Variants in NEK1 observed in about 807,000 individuals in gnomAD.
The protein encoded by NEK1 is serine/threonine-protein kinase Nek1.
A neutral mutation model predicts 182.1 loss-of-function variants in NEK1; 137 were observed. The ratio of observed to expected loss-of-function variants is 0.75; its 90% confidence interval spans 0.65 to 0.87. The LOEUF (loss-of-function observed/expected upper bound fraction) is 0.87. Among genes scored for constraint, NEK1 ranks in the 40% least tolerant of loss-of-function variants. NEK1 has a pLI of 0.00. For missense variants in NEK1, 1,391 were observed against 1,494.4 expected (o/e 0.93, Z 1.14); for synonymous variants, 513 against 492.2 (o/e 1.04, Z -0.56).
intron 23 of NEK1, 139 bp downstream of exon 23, chr4:169,506,898 G>A (rs1208035822): frequency 1.3e-5 from 6 of 445,910 alleles, no homozygotes; most frequent in Non-Finnish European, 2.3e-5. Context: ...GAGAGGTAAT[G>A]AGAAAGGGTG....
At chr4:169,406,194 G>A (rs1245716908) in intron 32 of NEK1, among the ~76,000 whole-genome samples, 1 of 151,944 alleles carries the variant, frequency 6.6e-6, no homozygotes, top group Non-Finnish European at 1.5e-5. Flanking sequence ...AATGTGGTGG[G>A]ATTGTAGGTG....
chr4:169,580,938 TAC>T, intron 10 of NEK1, 36 bp from the exon 11 acceptor site: 1 of 1,234,004 alleles, frequency 8.1e-7, no homozygotes, highest in East Asian at 2.6e-5. Context: ...GAAAAGATGT[TAC>T]ATTTTCAAAA....
rs1471861381 is a variant in NEK1, at chr4:169,424,818, G to A, written c.2975-18C>T. On this transcript the variant is annotated intron_variant, in intron 30 of 35. Coordinates refer to ENST00000507142, the MANE Select transcript of NEK1 (RefSeq NM_001199397.3). ...TCCAGGCTCTGTGGTAGAAAGGAGAGATTATGTGGTAAGTCTATACAGTAC... is the reference window on the plus strand; with the variant it reads ...TCCAGGCTCTGTGGTAGAAAGGAGAAATTATGTGGTAAGTCTATACAGTAC... The A allele has an allele frequency of 6.3e-7, 1 of 1,594,620 alleles. No homozygotes were observed. The highest frequency in any genetic ancestry group is 2.3e-5 in the East Asian group (1 of 44,402).
intron 26 of NEK1, among the ~76,000 whole-genome samples, chr4:169,476,236 G>A (rs1746918253): frequency 6.6e-6 from 1 of 151,904 alleles, no homozygotes; most frequent in East Asian, 1.9e-4. Context: ...CTGTGTTGAG[G>A]GAGGGAGGTG....
At chr4:169,569,523 A>ATG in intron 12 of NEK1, among the ~76,000 whole-genome samples, 12 of 133,922 alleles carry the variant, frequency 9.0e-5, no homozygotes, top group African/African-American at 2.6e-4. Context: ...CTCTTTCCAC[A>ATG]GTCTCCCTCT....
At chr4:169,451,954 C>G (rs879988443) in intron 27 of NEK1, among the ~76,000 whole-genome samples, 1 of 152,144 alleles carries the variant, frequency 6.6e-6, no homozygotes, top group Non-Finnish European at 1.5e-5. Context: ...AAGGGGATAT[C>G]ACCACCAATC....
chr4:169,508,012 T>A (rs1753592260), intron 21 of NEK1, among the ~76,000 whole-genome samples: 2 of 152,210 alleles, frequency 1.3e-5, no homozygotes, highest in South Asian at 2.1e-4. Context: ...TGCATTTTAA[T>A]CCTCCCATGA....
chr4:169,498,143 C>T (rs1294881642), intron 23 of NEK1, among the ~76,000 whole-genome samples: 1 of 152,180 alleles, frequency 6.6e-6, no homozygotes, highest in Admixed American at 6.5e-5. Flanking sequence ...TTGAATTGAT[C>T]CCTTTACAAT....
At chr4:169,418,947 T>G (rs923745045) in intron 31 of NEK1, among the ~76,000 whole-genome samples, 1 of 152,130 alleles carries the variant, frequency 6.6e-6, no homozygotes. Flanking sequence ...ATATACAGCA[T>G]TGGTCCCATA....
intron 31 of NEK1, among the ~76,000 whole-genome samples, chr4:169,418,052 G>T (rs895068548): frequency 6.6e-6 from 1 of 152,198 alleles, no homozygotes; most frequent in Non-Finnish European, 1.5e-5. Context: ...CACAAAGCTA[G>T]GCCAAAACAG....
chr4:169,482,280 G>T (rs1178788191), intron 23 of NEK1, among the ~76,000 whole-genome samples: 1 of 152,002 alleles, frequency 6.6e-6, no homozygotes, highest in Non-Finnish European at 1.5e-5. Context: ...AGGCTGTTTT[G>T]CTTTCTTTCT....
intron 2 of NEK1, among the ~76,000 whole-genome samples, chr4:169,607,192 CCAAAA>C (rs1459599355): frequency 1.3e-5 from 2 of 152,176 alleles, no homozygotes; most frequent in African/African-American, 4.8e-5. Context: ...CATCAGACTG[CCAAAA>C]CAAAACTAAC....
At chr4:169,545,053 C>CT (rs200190997) in intron 18 of NEK1, among the ~76,000 whole-genome samples, 65,971 of 137,770 alleles carry the variant, frequency 0.48, 16,243 homozygotes, top group East Asian at 0.74. Context: ...TTCTCTGATT[C>CT]TTTTTTTTTT....
chr4:169,554,719 T>C (rs1160491642), intron 18 of NEK1: 1 of 152,178 alleles, frequency 6.6e-6, no homozygotes, highest in Non-Finnish European at 1.5e-5. Context: ...TTATTTTGTA[T>C]GATATTACAG....
chr4:169,518,371 TTG>T (rs1755472127), intron 19 of NEK1, among the ~76,000 whole-genome samples: 1 of 132,576 alleles, frequency 7.5e-6, no homozygotes, highest in South Asian at 2.5e-4. Context: ...TCATTTTTTA[TTG>T]TGTCTATTTG....
intron 30 of NEK1, among the ~76,000 whole-genome samples, chr4:169,425,839 A>G (rs1736295037): frequency 6.6e-6 from 1 of 152,148 alleles, no homozygotes; most frequent in Non-Finnish European, 1.5e-5. Context: ...CATTTTAACT[A>G]ATACTATTTT....
intron 27 of NEK1, among the ~76,000 whole-genome samples, chr4:169,457,896 A>C (rs1330144636): frequency 6.6e-6 from 1 of 152,058 alleles, no homozygotes; most frequent in Non-Finnish European, 1.5e-5. Context: ...GAAGACTACA[A>C]AACTGATGAA....
intron 5 of NEK1, among the ~76,000 whole-genome samples, chr4:169,593,465 T>C (rs1365732587): frequency 1.3e-5 from 2 of 152,154 alleles, no homozygotes; most frequent in East Asian, 1.9e-4. Flanking sequence ...TGAAAAAGCA[T>C]ACAGAAGGAG....
At chr4:169,528,135 T>C (rs1482475287) in intron 19 of NEK1, among the ~76,000 whole-genome samples, 1 of 152,204 alleles carries the variant, frequency 6.6e-6, no homozygotes, top group African/African-American at 2.4e-5. Context: ...TTTATAATAT[T>C]GTAAAATCCC....
Sources: gnomAD v4.1 joint callset for allele counts (sites outside exome capture counted in the v4.1 genomes callset) on GRCh38, gnomAD v4.1.1 for gene constraint, MANE v1.5 for transcripts, NCBI Gene and HGNC (gene_info 2026-07-23, HGNC 2026-07-21) for gene names.